TTC39A: variants seen among roughly 807,000 people sequenced by gnomAD.
TTC39A encodes tetratricopeptide repeat protein 39A.
In TTC39A, 46 loss-of-function variants were observed where a neutral mutation model predicts 82.3. The ratio of observed to expected loss-of-function variants is 0.56; its 90% CI spans 0.44 to 0.71. The LOEUF (loss-of-function observed/expected upper bound fraction) is 0.71. Among genes scored for constraint, TTC39A ranks in the 30% least tolerant of loss-of-function variants. The probability of loss-of-function intolerance (pLI) is 0.00; values close to 1 mark genes in which losing one functional copy is unlikely to be tolerated. For missense variants in TTC39A, 543 were observed against 712.9 expected, an observed-to-expected ratio of 0.76 and a Z score of 2.71; for synonymous variants, 254 against 275.2, an observed-to-expected ratio of 0.92 and a Z score of 0.76.
At chr1:51,313,719 C>A (rs1390933608) in intron 2 of TTC39A, among the ~76,000 whole-genome samples, 1 of 152,220 alleles carries the variant, frequency 6.6e-6, no homozygotes, top group African/African-American at 2.4e-5. Flanking sequence ...CCTTCTTCGG[C>A]CAGGTGTGGT....
chr1:51,288,181 G>A lies in TTC39A; in HGVS notation c.1710C>T (p.Ser570=). ...GCTACAAGGACACTGATGAGACCAT[G>A]GATCTGCTGCTGTTCTCTAGGGAAG... ...AKSSLENSSR[S]MVSSVSL Residue 570 remains serine (S), a synonymous_variant, in exon 18 of 18, where the codon TCC becomes TCT. Transcript: ENST00000680483. The surrounding 1 kb of genome is among the most constrained non-coding windows in gnomAD (Gnocchi z 4.8). The A allele has an allele frequency of 6.2e-7, 1 of 1,614,054 alleles. No homozygotes were observed. The highest frequency in any genetic ancestry group is 8.5e-7 in the Non-Finnish European group (1 of 1,179,908).
At chr1:51,344,352 A>G (rs1646071832) in intron 1 of TTC39A, among the ~76,000 whole-genome samples, 1 of 152,176 alleles carries the variant, frequency 6.6e-6, no homozygotes, top group Admixed American at 6.5e-5. Context: ...GAACCTCAGA[A>G]GAGAGGTCAG....
chr1:51,330,610 A>C (rs1374443590), upstream of TTC39A: 5 of 982,684 alleles, frequency 5.1e-6, no homozygotes, highest in African/African-American at 8.8e-5. This position sits in a 1 kb window ranked among gnomAD's most constrained non-coding sequence, Gnocchi z 4.5. Flanking sequence ...GGGGCGGGGA[A>C]GGCGGCGGGG....
Position 51,321,715 on chromosome 1 carries a change from C to T in TTC39A, c.146+6G>A. On this transcript the variant is annotated splice_donor_region_variant and intron_variant, in intron 2 of 17. Coordinates refer to ENST00000680483, the MANE Select transcript of TTC39A (RefSeq NM_001297663.2). The surrounding 1 kb of genome is among the most constrained non-coding windows in gnomAD (Gnocchi z 4.6). ...CCCCCTACCCCAACCGGGGCTTGAG[C>T]CTCACCTGGGCTTGAGGTAGCTGAG... is the stretch of plus-strand genomic sequence containing the variant. 2.5e-6 allele frequency: 4 copies of T among 1,613,574 alleles called. No individual in the cohort carries two copies. The highest frequency in any genetic ancestry group is 2.2e-5 in the South Asian group (2 of 90,908).
At chr1:51,340,476 C>T (rs1646021037) in intron 1 of TTC39A, among the ~76,000 whole-genome samples, 1 of 152,202 alleles carries the variant, frequency 6.6e-6, no homozygotes, top group East Asian at 1.9e-4. Context: ...GCTTTAAGGC[C>T]TGCTCAGTGG....
chr1:51,340,178 A>G (rs1646017436), intron 1 of TTC39A, among the ~76,000 whole-genome samples: 1 of 152,180 alleles, frequency 6.6e-6, no homozygotes, highest in African/African-American at 2.4e-5. Flanking sequence ...AGTTTATGCT[A>G]TTTCATTATA....
In TTC39A at chr1:51,289,995, A is replaced by G. The variant is rs758550919; in HGVS notation, c.1493+10T>C. 1 of 1,609,022 alleles carries G rather than the reference A, an allele frequency of 6.2e-7. No individual in the cohort carries two copies. The highest frequency in any genetic ancestry group is 8.5e-7 in the Non-Finnish European group (1 of 1,176,814). ...TCAGACCCAGAAGGAGCAGCTGCAGAGGCACTTACTTGGCAGAGATGCTCC... is the reference window on the plus strand; with the variant it reads ...TCAGACCCAGAAGGAGCAGCTGCAGGGGCACTTACTTGGCAGAGATGCTCC... On this transcript the variant is annotated intron_variant, in intron 16 of 17. Coordinates refer to ENST00000680483, the MANE Select transcript of TTC39A (RefSeq NM_001297663.2).
chr1:51,294,038 G>A lies in TTC39A; in HGVS notation c.1266+353C>T, dbSNP rs1201455936. 6.6e-6 allele frequency among the ~76,000 whole-genome samples: 1 copy of A among 152,206 alleles called. No individual in the cohort carries two copies. Among genetic ancestry groups the A allele is most frequent in the East Asian group, 1.9e-4 (1 of 5,194 alleles). On this transcript the variant is annotated intron_variant, in intron 14 of 17. Transcript: ENST00000680483. The surrounding 1 kb of genome is among the most constrained non-coding windows in gnomAD (Gnocchi z 4.3). ...ACGTGAAAAGGTTGGCCGAGTGAGG[G>A]GGACCGTGAAAACAATTATAATCAT...
chr1:51,302,980 C>T (rs1234009803), intron 9 of TTC39A, 104 bp downstream of exon 9: 1 of 1,059,486 alleles, frequency 9.4e-7, no homozygotes, highest in African/African-American at 1.6e-5. Flanking sequence ...TTTCAGTACC[C>T]CTATCCCTAG....
intron 14 of TTC39A, among the ~76,000 whole-genome samples, chr1:51,292,302 C>T (rs17106497): frequency 0.041 from 6,187 of 152,218 alleles, 183 homozygotes; most frequent in African/African-American, 0.08. Context: ...GATGTGAAAA[C>T]ACTTTGTAGC....
intron 2 of TTC39A, among the ~76,000 whole-genome samples, chr1:51,318,020 G>A (rs1645357797): frequency 6.6e-6 from 1 of 152,222 alleles, no homozygotes; most frequent in Non-Finnish European, 1.5e-5. Context: ...GACAGCTCGA[G>A]GACCCAGGCA....
chr1:51,340,716 C>A (rs1415685110), intron 1 of TTC39A, among the ~76,000 whole-genome samples: 1 of 152,214 alleles, frequency 6.6e-6, no homozygotes, highest in East Asian at 1.9e-4. Context: ...TAGCAGCATG[C>A]CGTGCAGTGC....
chr1:51,312,494 A>G (rs1645122776), intron 3 of TTC39A, among the ~76,000 whole-genome samples: 1 of 152,096 alleles, frequency 6.6e-6, no homozygotes, highest in Non-Finnish European at 1.5e-5. Context: ...TGCTCCTGGC[A>G]GCTCCCAACC....
At chr1:51,300,664 C>G (rs1296787416) in intron 12 of TTC39A, 2 of 152,250 alleles carry the variant, frequency 1.3e-5, no homozygotes, top group East Asian at 3.8e-4. Flanking sequence ...CAAGCTAACA[C>G]TTATTTCAAT....
At chr1:51,332,927 AGGTGGCTGGGCAT>A (rs1477466933), upstream of TTC39A, among the ~76,000 whole-genome samples, 1 of 152,100 alleles carries the variant, frequency 6.6e-6, no homozygotes, top group African/African-American at 2.4e-5. Flanking sequence ...AATTACCTTT[AGGTGGCTGGGCAT>A]GGTGGCTCAT....
At chr1:51,311,979 G>C in intron 4 of TTC39A, 140 bp downstream of exon 4, 1 of 912,056 alleles carries the variant, frequency 1.1e-6, no homozygotes, top group Non-Finnish European at 1.6e-6. Context: ...AAAGGCCCCA[G>C]CTCTGACCCA....
At chr1:51,325,135 T>C (rs948314036) in intron 1 of TTC39A, among the ~76,000 whole-genome samples, 2 of 151,614 alleles carry the variant, frequency 1.3e-5, no homozygotes, top group African/African-American at 2.4e-5. Context: ...ATGCCTGTAA[T>C]CCCAACTACT....
At chr1:51,316,264 C>T (rs1056735063) in intron 2 of TTC39A, among the ~76,000 whole-genome samples, 21 of 152,164 alleles carry the variant, frequency 1.4e-4, no homozygotes, top group Non-Finnish European at 2.9e-5. Flanking sequence ...TGAGTCATAG[C>T]GTGACCTTGT....
chr1:51,309,489 A>C, intron 5 of TTC39A, 164 bp from the exon 6 acceptor site: 1 of 1,441,818 alleles, frequency 6.9e-7, no homozygotes, highest in Non-Finnish European at 9.1e-7. Flanking sequence ...TGGCCCAACA[A>C]AACCTCTAAA....
Sources: allele counts gnomAD v4.1 joint callset (sites outside exome capture counted in the v4.1 genomes callset), GRCh38; gene constraint gnomAD v4.1.1; non-coding constraint Gnocchi (gnomAD v3.1); transcripts MANE v1.5; gene names NCBI Gene and HGNC (gene_info 2026-07-23, HGNC 2026-07-21).